The following DNAJC25 variants were observed in gnomAD, a reference collection of about 807,000 sequenced individuals.
The protein encoded by DNAJC25 is dnaJ homolog subfamily C member 25.
DNAJC25 carries 26 observed loss-of-function variants against 42.1 expected under a neutral mutation model. The observed-to-expected ratio is 0.62, with a 90% CI of 0.45 to 0.86. The LOEUF (loss-of-function observed/expected upper bound fraction) is 0.86, where lower values mean the gene tolerates loss of function less well. Among genes scored for constraint, DNAJC25 ranks in the 40% least tolerant of loss-of-function variants. The probability of loss-of-function intolerance (pLI) is 0.00; values close to 1 mark genes in which losing one functional copy is unlikely to be tolerated. For missense variants in DNAJC25, 404 were observed against 459.4 expected, an observed-to-expected ratio of 0.88 and a Z score of 1.10; for synonymous variants, 189 against 179.9, an observed-to-expected ratio of 1.05 and a Z score of -0.40.
intron 3 of DNAJC25, among the ~76,000 whole-genome samples, chr9:111,651,415 A>G (rs1466853320): frequency 6.6e-6 from 1 of 152,186 alleles, no homozygotes; most frequent in Admixed American, 6.5e-5. Flanking sequence ...TCAATCTGCA[A>G]AACTGTGTCT....
chr9:111,637,985 C>T (rs961683362), intron 1 of DNAJC25, among the ~76,000 whole-genome samples: 1 of 152,198 alleles, frequency 6.6e-6, no homozygotes, highest in Non-Finnish European at 1.5e-5. Context: ...TGAAACTCAA[C>T]TGTATCCTTG....
chr9:111,634,574 G>A (rs1277175310), intron 1 of DNAJC25, among the ~76,000 whole-genome samples: 1 of 152,148 alleles, frequency 6.6e-6, no homozygotes, highest in Non-Finnish European at 1.5e-5. Flanking sequence ...GAGTTCCAGT[G>A]GCTCTGGAAT....
At chr9:111,648,523 G>A (rs1045984933) in intron 2 of DNAJC25, among the ~76,000 whole-genome samples, 1 of 151,930 alleles carries the variant, frequency 6.6e-6, no homozygotes, top group South Asian at 2.1e-4. Flanking sequence ...ACTCACCGCA[G>A]CCTCTCAAAG....
intron 1 of DNAJC25, among the ~76,000 whole-genome samples, chr9:111,637,882 C>T (rs984679327): frequency 6.6e-6 from 1 of 152,208 alleles, no homozygotes; most frequent in Non-Finnish European, 1.5e-5. Flanking sequence ...CAGTCTTTAT[C>T]GTCTTTTCTA....
At chr9:111,639,966 A>C in intron 1 of DNAJC25, among the ~76,000 whole-genome samples, 4 of 130,356 alleles carry the variant, frequency 3.1e-5, no homozygotes, top group African/African-American at 6.2e-5. Context: ...CCGTCTCCCC[A>C]TGGTCTCCCT....
In DNAJC25 at chr9:111,640,884, T is replaced by TG. The variant is rs1281241671; in HGVS notation, c.337-6217dup. Reference sequence around the variant, plus strand: ...CCAGCCGCCCCATCCGGGAGGGAGGTGGGGGGTCAGCCCCCCCGCCCGGCC... The same window carrying TG: ...CCAGCCGCCCCATCCGGGAGGGAGGTGGGGGGGTCAGCCCCCCCGCCCGGCC... On this transcript the variant is annotated intron_variant, in intron 1 of 3. Coordinates refer to ENST00000313525, the MANE Select transcript of DNAJC25 (RefSeq NM_001015882.3). Among the ~76,000 whole-genome samples the TG allele has an allele frequency of 2.3e-3, 143 of 60,930 alleles. 17 individuals carry two copies. Among genetic ancestry groups the TG allele is most frequent in the Non-Finnish European group, 3.2e-3 (119 of 37,198 alleles). The allele number at this position is 60,930 out of a possible 152,430, so 40.0% of individuals were successfully genotyped here.
intron 3 of DNAJC25, among the ~76,000 whole-genome samples, chr9:111,652,145 C>G (rs962798566): frequency 6.6e-6 from 1 of 151,872 alleles, no homozygotes; most frequent in African/African-American, 2.4e-5. Flanking sequence ...AATGTTAAGC[C>G]CTTTAAACTC....
At position 111,653,248 on chromosome 9, in the gene DNAJC25, A is replaced by G; in HGVS notation, c.*26A>G. ...AGATTGATGGAATGCTACTATGCCA[A>G]ACCTTAATTGTGATATTATTTTCAT... On this transcript the variant is annotated 3_prime_UTR_variant, in exon 4 of 4. Coordinates refer to ENST00000313525, the MANE Select transcript of DNAJC25 (RefSeq NM_001015882.3). The G allele has an allele frequency of 6.6e-7, 1 of 1,504,436 alleles. No homozygotes were observed. The highest frequency in any genetic ancestry group is 8.9e-7 in the Non-Finnish European group (1 of 1,122,910). 93.2% of individuals were successfully genotyped at this position (1,504,436 alleles called of 1,614,324 possible).
In DNAJC25 at chr9:111,647,288, A is replaced by G. The variant is rs370741218; in HGVS notation, c.489+29A>G. ...TGTATCAATGGATATTTTTATCTAC[A>G]TTTATGTGCATTGAGTGCACATTGC... is the stretch of plus-strand genomic sequence containing the variant. On this transcript the variant is annotated intron_variant, in intron 2 of 3. Transcript: ENST00000313525. 58 of 1,612,134 alleles carry G rather than the reference A, an allele frequency of 3.6e-5. No homozygotes were observed. The African/African-American group carries it at 6.9e-4, about 19-fold the overall frequency.
At chr9:111,631,820 G>A in intron 1 of DNAJC25, 77 bp downstream of exon 1, 1 of 1,442,168 alleles carries the variant, frequency 6.9e-7, no homozygotes, top group East Asian at 2.9e-5. Context: ...CCGGTCCGCG[G>A]AGCGTGGGCC....
At chr9:111,652,282 G>A (rs901276574) in intron 3 of DNAJC25, among the ~76,000 whole-genome samples, 1 of 151,832 alleles carries the variant, frequency 6.6e-6, no homozygotes, top group Admixed American at 6.6e-5. Context: ...GGCCGAGGTA[G>A]GTGGATCACT....
chr9:111,636,593 T>G (rs988361340), intron 1 of DNAJC25, among the ~76,000 whole-genome samples: 1 of 152,206 alleles, frequency 6.6e-6, no homozygotes, highest in Non-Finnish European at 1.5e-5. Flanking sequence ...TAGCTGCGAT[T>G]ACTGGCACAT....
chr9:111,641,712 C>T (rs1589344183), intron 1 of DNAJC25, among the ~76,000 whole-genome samples: 2 of 128,064 alleles, frequency 1.6e-5, no homozygotes, highest in Admixed American at 7.6e-5. Flanking sequence ...CCAGCCACCC[C>T]GTCCGGGAGG....
At chr9:111,641,791 G>A (rs1472673587) in intron 1 of DNAJC25, among the ~76,000 whole-genome samples, 12 of 99,718 alleles carry the variant, frequency 1.2e-4, no homozygotes, top group African/African-American at 3.0e-4. Context: ...CAGCCGCCCC[G>A]TCCGGGAGGG....
intron 1 of DNAJC25, among the ~76,000 whole-genome samples, chr9:111,642,611 AAATAAATAAATAAATAAAT>A (rs1830496061): frequency 8.4e-5 from 12 of 142,312 alleles, no homozygotes; most frequent in African/African-American, 2.4e-4. Flanking sequence ...ATCAATAAAT[AAATAAATAAATAAATAAAT>A]AAATAAATAA....
In DNAJC25 at chr9:111,647,074, T is replaced by C. The variant is rs202185730; in HGVS notation, c.337-33T>C. On this transcript the variant is annotated intron_variant, in intron 1 of 3. Coordinates refer to ENST00000313525, the MANE Select transcript of DNAJC25 (RefSeq NM_001015882.3). ...TAAACTAAGGCCATTTAATGGACTGTCCTATGAAGTTGGATATCTTGTCAT... is the reference window on the plus strand; with the variant it reads ...TAAACTAAGGCCATTTAATGGACTGCCCTATGAAGTTGGATATCTTGTCAT... 2,280 of 1,609,454 alleles carry C rather than the reference T, an allele frequency of 1.4e-3. 55 individuals carry two copies. The South Asian group carries it at 0.024, about 17-fold the overall frequency.
At chr9:111,652,053 A>G (rs1021909099) in intron 3 of DNAJC25, among the ~76,000 whole-genome samples, 2 of 152,244 alleles carry the variant, frequency 1.3e-5, no homozygotes, top group East Asian at 3.8e-4. Flanking sequence ...CAAATCTGAA[A>G]GTCATCAGTT....
At chr9:111,635,789 C>T (rs1830353624) in intron 1 of DNAJC25, among the ~76,000 whole-genome samples, 1 of 152,210 alleles carries the variant, frequency 6.6e-6, no homozygotes, top group African/African-American at 2.4e-5. Flanking sequence ...GGTCATTCTA[C>T]TCCAGACTTG....
At chr9:111,651,930 T>G (rs1342399611) in intron 3 of DNAJC25, among the ~76,000 whole-genome samples, 1 of 152,152 alleles carries the variant, frequency 6.6e-6, no homozygotes, top group Non-Finnish European at 1.5e-5. Context: ...TAACCTTCTT[T>G]GGAAACTTTA....
Sources: allele counts gnomAD v4.1 joint callset (sites outside exome capture counted in the v4.1 genomes callset), GRCh38; gene constraint gnomAD v4.1.1; transcripts MANE v1.5; gene names NCBI Gene and HGNC (gene_info 2026-07-23, HGNC 2026-07-21).